Variants in GRAMD1B observed in about 807,000 individuals in gnomAD.
GRAMD1B encodes GRAM domain containing 1B, also known as protein Aster-B.
A neutral mutation model predicts 99.7 loss-of-function variants in GRAMD1B; 37 were observed. The ratio of observed to expected loss-of-function variants is 0.37; its 90% confidence interval spans 0.29 to 0.49. The LOEUF is 0.49. Among genes scored for constraint, GRAMD1B ranks in the 20% least tolerant of loss-of-function variants. The pLI, the probability that GRAMD1B is intolerant of heterozygous loss-of-function variation, is 0.98. For missense variants in GRAMD1B, 888 were observed against 1,009.2 expected (o/e 0.88, Z 1.63); for synonymous variants, 427 against 387.6 (o/e 1.10, Z -1.19).
intron 1 of GRAMD1B, among the ~76,000 whole-genome samples, chr11:123,404,021 C>T (rs1023922649): frequency 1.3e-4 from 20 of 152,174 alleles, no homozygotes; most frequent in Non-Finnish European, 5.9e-5. Context: ...GGACATTTGA[C>T]TTACAGTGTT....
chr11:123,492,493 A>G lies in GRAMD1B; in HGVS notation c.452+11600A>G, dbSNP rs898290163. On this transcript the variant is annotated intron_variant, in intron 2 of 19. Coordinates refer to ENST00000635736, the MANE Select transcript of GRAMD1B (RefSeq NM_001387025.1). This position sits in a 1 kb window ranked among gnomAD's most constrained non-coding sequence, Gnocchi z 4.2. ...GGTGCTTTTTCCTAAAACAGCCCCC[A>G]TACCTGGCAGATGGGCTGCAGTGGC... Among the ~76,000 whole-genome samples, 1 of 152,170 alleles carries G rather than the reference A, an allele frequency of 6.6e-6. No individual in the cohort carries two copies. Among genetic ancestry groups the G allele is most frequent in the African/African-American group, 2.4e-5 (1 of 41,440 alleles).
At chr11:123,544,318 G>C (rs1944845640) in intron 2 of GRAMD1B, among the ~76,000 whole-genome samples, 1 of 152,296 alleles carries the variant, frequency 6.6e-6, no homozygotes, top group Middle Eastern at 3.4e-3. Flanking sequence ...TCAAGTACCA[G>C]GATTTGAACC....
intron 1 of GRAMD1B, among the ~76,000 whole-genome samples, chr11:123,405,646 G>A (rs1947830107): frequency 6.6e-6 from 1 of 152,148 alleles, no homozygotes; most frequent in African/African-American, 2.4e-5. Context: ...TACCAAGTCA[G>A]AGAATTAGGA....
In GRAMD1B at chr11:123,562,967, C is replaced by T. The variant is rs138896825; in HGVS notation, c.453-14400C>T. The stretch of plus-strand genomic sequence containing the variant: ...AGTGATGATTCTGCTCTATTCTGAG[C>T]GGCTCAGGCCACTTCTCTGCAGTAT... On this transcript the variant is annotated intron_variant, in intron 2 of 19. Coordinates refer to ENST00000635736, the MANE Select transcript of GRAMD1B (RefSeq NM_001387025.1). Among the ~76,000 whole-genome samples the T allele has an allele frequency of 5.5e-4, 84 of 152,350 alleles. No individual in the cohort carries two copies. The South Asian group carries it at 0.013, about 24-fold the overall frequency.
In GRAMD1B at chr11:123,586,369, C is replaced by T. The variant is rs115928305; in HGVS notation, c.684+2037C>T. Among the ~76,000 whole-genome samples, 515 of 152,322 alleles carry T rather than the reference C, an allele frequency of 3.4e-3. 6 individuals carry two copies. The highest frequency in any genetic ancestry group is 0.012 in the African/African-American group (499 of 41,560). The stretch of plus-strand genomic sequence containing the variant: ...TCCTGCCTCTTCCTCTATTAATTCT[C>T]ACTTGTCTCCTTTCACCTTCCACCC... On this transcript the variant is annotated intron_variant, in intron 4 of 19. Transcript: ENST00000635736.
chr11:123,385,452 C>T (rs751958808), intron 1 of GRAMD1B, among the ~76,000 whole-genome samples: 3 of 152,176 alleles, frequency 2.0e-5, no homozygotes, highest in Non-Finnish European at 4.4e-5. Flanking sequence ...TCGTTTCCAG[C>T]CTCCTCACTT....
At chr11:123,600,647 C>T in intron 8 of GRAMD1B, 99 bp downstream of exon 8, 1 of 715,678 alleles carries the variant, frequency 1.4e-6, no homozygotes, top group Non-Finnish European at 2.4e-6. Context: ...ATAGTATTCT[C>T]CCACTGATGG....
chr11:123,507,329 C>T (rs1940534360), intron 2 of GRAMD1B, among the ~76,000 whole-genome samples: 2 of 152,164 alleles, frequency 1.3e-5, no homozygotes, highest in African/African-American at 4.8e-5. Flanking sequence ...GCTAGCAAAG[C>T]CTCATGGCTT....
chr11:123,495,673 T>A (rs1193069312), intron 2 of GRAMD1B, among the ~76,000 whole-genome samples: 1 of 101,860 alleles, frequency 9.8e-6, no homozygotes. Context: ...TTTGTCTTTC[T>A]TCTTCTTTTT....
intron 11 of GRAMD1B, chr11:123,608,412 C>G: frequency 8.3e-7 from 1 of 1,211,738 alleles, no homozygotes; most frequent in South Asian, 1.5e-5. Context: ...CATTCCCAAA[C>G]ACTTTGTAAA....
intron 1 of GRAMD1B, among the ~76,000 whole-genome samples, chr11:123,402,005 C>T (rs1947679774): frequency 6.6e-6 from 1 of 152,192 alleles, no homozygotes; most frequent in Non-Finnish European, 1.5e-5. Flanking sequence ...TGTGAAGCTA[C>T]CCGCTCTGCA....
intron 2 of GRAMD1B, among the ~76,000 whole-genome samples, chr11:123,520,519 C>T (rs1241400272): frequency 6.6e-6 from 1 of 151,674 alleles, no homozygotes; most frequent in African/African-American, 2.4e-5. Flanking sequence ...ACCTGCAATC[C>T]CAGCACTTTG....
At chr11:123,441,886 G>A (rs1949424479) in intron 1 of GRAMD1B, among the ~76,000 whole-genome samples, 1 of 152,128 alleles carries the variant, frequency 6.6e-6, no homozygotes, top group Non-Finnish European at 1.5e-5. Context: ...ATTATCTCCT[G>A]GTGTTTTTTC....
intron 2 of GRAMD1B, among the ~76,000 whole-genome samples, chr11:123,522,452 G>C (rs1456017518): frequency 2.6e-5 from 4 of 152,068 alleles, no homozygotes; most frequent in Non-Finnish European, 5.9e-5. Context: ...CCAAGTCTTT[G>C]GGATTATAGG....
intron 1 of GRAMD1B, among the ~76,000 whole-genome samples, chr11:123,466,485 GAAAA>G (rs1334568206): frequency 1.3e-5 from 2 of 151,284 alleles, no homozygotes; most frequent in African/African-American, 2.4e-5. Flanking sequence ...AAGAAAGAAA[GAAAA>G]AGAAAGAAAG....
At chr11:123,386,805 G>A (rs1206563729) in intron 1 of GRAMD1B, among the ~76,000 whole-genome samples, 1 of 152,216 alleles carries the variant, frequency 6.6e-6, no homozygotes, top group Non-Finnish European at 1.5e-5. Flanking sequence ...ACTGGCCACA[G>A]TGCATCGGCA....
rs568910279 is a variant in GRAMD1B at position 123,470,911 on chromosome 11, CTA to C, written c.375-9903_375-9902del. ...TTTTCTGCAGTGATGAAAATGCTCT[CTA>C]TCTGTACTGTCCACAATGAAGCCAC... On this transcript the variant is annotated intron_variant, in intron 1 of 19. Coordinates refer to ENST00000635736, the MANE Select transcript of GRAMD1B (RefSeq NM_001387025.1). 1.5e-3 allele frequency among the ~76,000 whole-genome samples: 233 copies of C among 152,248 alleles called. 2 individuals are homozygous for C. Among genetic ancestry groups the C allele is most frequent in the Middle Eastern group, 3.4e-3 (1 of 294 alleles).
At chr11:123,538,559 G>A (rs1047482614) in intron 2 of GRAMD1B, among the ~76,000 whole-genome samples, 2 of 151,874 alleles carry the variant, frequency 1.3e-5, no homozygotes, top group African/African-American at 4.8e-5. Flanking sequence ...TCACCCCTCG[G>A]CCCAGCTCTA....
intron 1 of GRAMD1B, among the ~76,000 whole-genome samples, chr11:123,480,403 A>G (rs1242358829): frequency 6.6e-6 from 1 of 150,968 alleles, no homozygotes; most frequent in Non-Finnish European, 1.5e-5. Flanking sequence ...CACCCTCCCC[A>G]CAACACCCCA....
Sources: allele counts gnomAD v4.1 joint callset (sites outside exome capture counted in the v4.1 genomes callset), GRCh38; gene constraint gnomAD v4.1.1; non-coding constraint Gnocchi (gnomAD v3.1); transcripts MANE v1.5; gene names NCBI Gene and HGNC (gene_info 2026-07-23, HGNC 2026-07-21).